The following CACNA1D variants were observed in gnomAD, a reference collection of about 807,000 sequenced individuals.
CACNA1D encodes the protein calcium voltage-gated channel subunit alpha1 D.
Under a neutral mutation model 257.1 loss-of-function variants are expected in CACNA1D, and 55 were observed. The observed-to-expected ratio is 0.21, with a 90% CI of 0.17 to 0.27. CACNA1D has a LOEUF of 0.27. Among genes scored for constraint, CACNA1D ranks in the 10% least tolerant of loss-of-function variants. CACNA1D has a pLI of 1.00. For synonymous variants in CACNA1D, 980 were observed against 1,014.9 expected (o/e 0.97, Z 0.65); for missense variants, 1,876 against 2,784.0 (o/e 0.67, Z 7.34).
At position 53,740,470 on chromosome 3, in the gene CACNA1D, A is replaced by G; in HGVS notation, c.2811+131A>G. On this transcript the variant is annotated intron_variant, in intron 21 of 47. Transcript: ENST00000350061. ...CACTGGTACTTTTGCATTTGAGATC[A>G]TTTTAAAGGTAACAGGTTACCCGGC... 4 of 741,370 alleles carry G rather than the reference A, an allele frequency of 5.4e-6. No homozygotes were observed. In the East Asian group the frequency reaches 1.0e-4, roughly 19 times the overall value. 45.9% of individuals were successfully genotyped at this position (741,370 alleles called of 1,614,324 possible). A position where few individuals can be genotyped will look rare whatever the true frequency, so the allele number is the denominator to read the frequency against.
At chr3:53,791,910 A>G (rs1316246327) in intron 40 of CACNA1D, 1 of 152,370 alleles carries the variant, frequency 6.6e-6, no homozygotes, top group Admixed American at 6.5e-5. Context: ...ACCTTGGGCA[A>G]GACACTTAAC....
chr3:53,537,918 T>A (rs554793454), intron 3 of CACNA1D, among the ~76,000 whole-genome samples: 1 of 152,168 alleles, frequency 6.6e-6, no homozygotes, highest in Non-Finnish European at 1.5e-5. Flanking sequence ...TTTATTACTA[T>A]TTTTTAGCTA....
chr3:53,790,439 A>G (rs1480791904), intron 40 of CACNA1D, among the ~76,000 whole-genome samples: 2 of 152,222 alleles, frequency 1.3e-5, no homozygotes, highest in Non-Finnish European at 1.5e-5. Context: ...TGCAAAAGAC[A>G]TGCACTCCGG....
At chr3:53,536,624 G>A (rs59512909) in intron 3 of CACNA1D, among the ~76,000 whole-genome samples, 38,420 of 152,190 alleles carry the variant, frequency 0.25, 4,973 homozygotes, top group Middle Eastern at 0.32. Context: ...TATGGCCTGT[G>A]AACTAAGAAT....
rs2092251591 is a variant in CACNA1D at position 53,539,985 on chromosome 3, G to A, written c.483+38265G>A. 2.6e-5 allele frequency among the ~76,000 whole-genome samples: 4 copies of A among 151,268 alleles called. No individual in the cohort carries two copies. In the South Asian group the frequency reaches 8.3e-4, roughly 31 times the overall value. Reference sequence around the variant, plus strand: ...TTCATAGGCATTTTTATATGTATTGGGTACAGGTTTTGATTGGTTGGGTGT... The same window carrying A: ...TTCATAGGCATTTTTATATGTATTGAGTACAGGTTTTGATTGGTTGGGTGT... On this transcript the variant is annotated intron_variant, in intron 3 of 47. Transcript: ENST00000350061.
intron 3 of CACNA1D, among the ~76,000 whole-genome samples, chr3:53,579,223 G>A (rs1363598316): frequency 2.6e-5 from 4 of 152,172 alleles, no homozygotes; most frequent in Non-Finnish European, 5.9e-5. Context: ...CTCATTCAAC[G>A]AATGTGAAAT....
chr3:53,652,742 T>C (rs146087866), intron 4 of CACNA1D, among the ~76,000 whole-genome samples: 1 of 152,376 alleles, frequency 6.6e-6, no homozygotes, highest in East Asian at 1.9e-4. Context: ...CTAGCCCATC[T>C]AGCCTGCCAC....
intron 3 of CACNA1D, among the ~76,000 whole-genome samples, chr3:53,588,584 C>A (rs1039519050): frequency 1.3e-5 from 2 of 152,172 alleles, no homozygotes; most frequent in African/African-American, 4.8e-5. Context: ...GTGTCAGTGT[C>A]TCTAGCTGCG....
chr3:53,708,624 T>A (rs994930451), intron 9 of CACNA1D, among the ~76,000 whole-genome samples: 3 of 152,246 alleles, frequency 2.0e-5, no homozygotes, highest in Non-Finnish European at 4.4e-5. Context: ...TGCCCCACTG[T>A]GGAGACAAGG....
At chr3:53,513,285 T>C (rs1228400500) in intron 3 of CACNA1D, among the ~76,000 whole-genome samples, 1 of 152,196 alleles carries the variant, frequency 6.6e-6, no homozygotes, top group East Asian at 1.9e-4. Flanking sequence ...AAAAAATTCT[T>C]GTTGCCTAGT....
intron 3 of CACNA1D, among the ~76,000 whole-genome samples, chr3:53,620,512 A>C (rs2093684891): frequency 6.6e-6 from 1 of 152,186 alleles, no homozygotes; most frequent in Non-Finnish European, 1.5e-5. Context: ...GACTGGTCTC[A>C]AACTCTTGCG....
At chr3:53,643,307 C>T (rs1164886681) in intron 3 of CACNA1D, among the ~76,000 whole-genome samples, 6 of 151,968 alleles carry the variant, frequency 3.9e-5, no homozygotes, top group East Asian at 3.9e-4. Context: ...ATCTCTGAGC[C>T]GACGCCTGCC....
chr3:53,713,659 T>C (rs1371689176), intron 9 of CACNA1D, among the ~76,000 whole-genome samples: 1 of 152,172 alleles, frequency 6.6e-6, no homozygotes, highest in Non-Finnish European at 1.5e-5. Context: ...CTAGTTGTGC[T>C]TACCTGAGAA....
rs1355902754 is a variant in CACNA1D at position 53,730,432 on chromosome 3, T to C, written c.2222-10T>C. The C allele has an allele frequency of 1.9e-6, 3 of 1,594,478 alleles. No individual in the cohort carries two copies. Among genetic ancestry groups the C allele is most frequent in the Admixed American group, 1.7e-5 (1 of 59,994 alleles). On this transcript the variant is annotated splice_polypyrimidine_tract_variant and intron_variant, in intron 15 of 47. Transcript: ENST00000350061. The stretch of plus-strand genomic sequence containing the variant: ...AGTAGTGTGTTGTGCCCTTAAAAAG[T>C]TGAAATTAGATATTCTACTGAATGT...
At position 53,749,526 on chromosome 3, in the gene CACNA1D, T is replaced by C. The variant is rs2095205723; in HGVS notation, c.3516+57T>C. ...CCTTGGTCAGGAGCGGAGTGCCTTC[T>C]TTATTGACTGATTTCCCCCATACCC... On this transcript the variant is annotated intron_variant, in intron 27 of 47. Coordinates refer to ENST00000350061, the MANE Select transcript of CACNA1D (RefSeq NM_001128840.3). 7 of 1,216,294 alleles carry C rather than the reference T, an allele frequency of 5.8e-6. No individual in the cohort carries two copies. The Admixed American group carries it at 8.4e-5, about 15-fold the overall frequency. The allele number at this position is 1,216,294 out of a possible 1,614,324, so 75.3% of individuals were successfully genotyped here.
chr3:53,534,836 G>A (rs1020475348), intron 3 of CACNA1D, among the ~76,000 whole-genome samples: 5 of 152,070 alleles, frequency 3.3e-5, no homozygotes, highest in African/African-American at 7.2e-5. Flanking sequence ...GGCTGTCAGC[G>A]CCGGGCCAGA....
intron 3 of CACNA1D, among the ~76,000 whole-genome samples, chr3:53,574,649 A>G (rs1186165014): frequency 6.6e-6 from 1 of 151,652 alleles, no homozygotes; most frequent in Non-Finnish European, 1.5e-5. Flanking sequence ...GAGCTGTGGC[A>G]TCTCCCCCAC....
chr3:53,751,937 G>C lies in CACNA1D; in HGVS notation c.3675+30G>C. On this transcript the variant is annotated intron_variant, in intron 28 of 47. Coordinates refer to ENST00000350061, the MANE Select transcript of CACNA1D (RefSeq NM_001128840.3). The surrounding 1 kb of genome is among the most constrained non-coding windows in gnomAD (Gnocchi z 4.3). ...AAATGGAGACAGCCGTGGGGATCAGGTCCGGGCATTCCGCACAGCCCCGTG... is the reference window on the plus strand; with the variant it reads ...AAATGGAGACAGCCGTGGGGATCAGCTCCGGGCATTCCGCACAGCCCCGTG... 1 of 1,611,306 alleles carries C rather than the reference G, an allele frequency of 6.2e-7. No homozygotes were observed. Among genetic ancestry groups the C allele is most frequent in the Non-Finnish European group, 8.5e-7 (1 of 1,177,530 alleles).
At chr3:53,581,680 A>T (rs1042758838) in intron 3 of CACNA1D, among the ~76,000 whole-genome samples, 2 of 152,206 alleles carry the variant, frequency 1.3e-5, no homozygotes, top group Non-Finnish European at 2.9e-5. Flanking sequence ...GCTGAAGTGC[A>T]GGAGAATGAA....
Sources: allele counts gnomAD v4.1 joint callset (sites outside exome capture counted in the v4.1 genomes callset), GRCh38; gene constraint gnomAD v4.1.1; non-coding constraint Gnocchi (gnomAD v3.1); transcripts MANE v1.5; gene names NCBI Gene and HGNC (gene_info 2026-07-23, HGNC 2026-07-21).